Variants in MAP4K3 observed in about 807,000 individuals in gnomAD.
MAP4K3 encodes the protein MAPK/ERK kinase kinase kinase 3.
In MAP4K3, 94 loss-of-function variants were observed where a neutral mutation model predicts 143.5. That is an observed-to-expected ratio of 0.65 (90% confidence interval 0.55 to 0.78). The LOEUF (loss-of-function observed/expected upper bound fraction) is 0.78, where lower values mean the gene tolerates loss of function less well. MAP4K3 is among the 30% of genes least tolerant of loss of function. MAP4K3 has a pLI of 0.00. For missense variants in MAP4K3, 1,077 were observed against 1,068.1 expected, an observed-to-expected ratio of 1.01 and a Z score of -0.12; for synonymous variants, 416 against 347.2, an observed-to-expected ratio of 1.20 and a Z score of -2.20.
intron 1 of MAP4K3, among the ~76,000 whole-genome samples, chr2:39,404,446 C>G (rs1667036840): frequency 1.3e-5 from 2 of 152,208 alleles, no homozygotes; most frequent in South Asian, 4.2e-4. Context: ...CCTGACAGTA[C>G]TCCCCATGGG....
At chr2:39,383,950 C>T (rs1448377152) in intron 1 of MAP4K3, among the ~76,000 whole-genome samples, 1 of 151,668 alleles carries the variant, frequency 6.6e-6, no homozygotes, top group Non-Finnish European at 1.5e-5. Context: ...ACAAAAAATA[C>T]AAAAATTAGC....
At chr2:39,387,537 C>G (rs1433730806) in intron 1 of MAP4K3, among the ~76,000 whole-genome samples, 1 of 152,206 alleles carries the variant, frequency 6.6e-6, no homozygotes, top group African/African-American at 2.4e-5. Flanking sequence ...ACTGGAAATA[C>G]TGAGAAATAG....
intron 1 of MAP4K3, among the ~76,000 whole-genome samples, chr2:39,403,581 G>A (rs1375528283): frequency 1.3e-5 from 2 of 152,078 alleles, no homozygotes; most frequent in African/African-American, 4.8e-5. Context: ...CCAACAGTCA[G>A]AACTTGAGTT....
At chr2:39,423,950 A>G (rs1223047318) in intron 1 of MAP4K3, among the ~76,000 whole-genome samples, 1 of 149,224 alleles carries the variant, frequency 6.7e-6, no homozygotes, top group Admixed American at 6.7e-5. Context: ...TGGTTCATCA[A>G]TTTTTTTTTT....
intron 5 of MAP4K3, 73 bp downstream of exon 5, chr2:39,337,453 G>T: frequency 2.9e-6 from 3 of 1,037,348 alleles, no homozygotes; most frequent in South Asian, 3.0e-5. Context: ...TTACTTTGCT[G>T]AACAGGTAAT....
At chr2:39,260,485 A>T in intron 29 of MAP4K3, 121 bp downstream of exon 29, 1 of 734,616 alleles carries the variant, frequency 1.4e-6, no homozygotes, top group Non-Finnish European at 2.2e-6. Flanking sequence ...CTTCCAGTTT[A>T]ATAATAGTTA....
chr2:39,265,486 A>G (rs948873416), intron 27 of MAP4K3, among the ~76,000 whole-genome samples, 180 bp from the exon 28 acceptor site: 1 of 152,244 alleles, frequency 6.6e-6, no homozygotes, highest in Admixed American at 6.5e-5. Context: ...TTCAGGTAAT[A>G]GCAGGAAATG....
At chr2:39,268,727 C>T (rs1466203029) in intron 26 of MAP4K3, among the ~76,000 whole-genome samples, 1 of 146,304 alleles carries the variant, frequency 6.8e-6, no homozygotes, top group African/African-American at 2.5e-5. Context: ...GCAACCTCTG[C>T]CTCCCAGGTT....
At chr2:39,389,999 T>C (rs554785024) in intron 1 of MAP4K3, among the ~76,000 whole-genome samples, 18 of 152,306 alleles carry the variant, frequency 1.2e-4, no homozygotes, top group African/African-American at 3.9e-4. Flanking sequence ...GTTTGCGAAG[T>C]GGACAGAGTT....
At chr2:39,295,590 T>A (rs17023620) in intron 16 of MAP4K3, among the ~76,000 whole-genome samples, 9,779 of 152,138 alleles carry the variant, frequency 0.064, 415 homozygotes, top group Middle Eastern at 0.12. Context: ...TACTTTTTTG[T>A]TAAGCACATG....
intron 15 of MAP4K3, 114 bp from the exon 16 acceptor site, chr2:39,299,915 A>C: frequency 1.0e-5 from 4 of 393,246 alleles, no homozygotes; most frequent in East Asian, 4.1e-5. Context: ...CCCCAAATAA[A>C]TCTGTATTGC....
intron 15 of MAP4K3, among the ~76,000 whole-genome samples, chr2:39,304,439 T>C (rs542809228): frequency 3.9e-5 from 6 of 152,330 alleles, no homozygotes; most frequent in South Asian, 2.1e-4. Flanking sequence ...TTGTAAGAGA[T>C]GAAATCTTGT....
chr2:39,437,010 C>T lies in MAP4K3; in HGVS notation c.-23G>A, dbSNP rs779460061. 20 of 1,600,534 alleles carry T rather than the reference C, an allele frequency of 1.2e-5. No homozygotes were observed. In the Middle Eastern group the frequency reaches 8.5e-4, roughly 68 times the overall value. On this transcript the variant is annotated 5_prime_UTR_variant, in exon 1 of 34. Coordinates refer to ENST00000263881, the MANE Select transcript of MAP4K3 (RefSeq NM_003618.4). Reference sequence around the variant, plus strand: ...CATGGCGGGCCCCAGGTGCCCCCCGCCTCCCTCCCGGGCAGGGGAGGGGGG... The same window carrying T: ...CATGGCGGGCCCCAGGTGCCCCCCGTCTCCCTCCCGGGCAGGGGAGGGGGG...
intron 14 of MAP4K3, among the ~76,000 whole-genome samples, chr2:39,309,165 C>T (rs1188661589): frequency 1.3e-5 from 2 of 151,950 alleles, no homozygotes; most frequent in Non-Finnish European, 2.9e-5. Flanking sequence ...ACACTTTCAC[C>T]CAGGCTACAG....
intron 6 of MAP4K3, among the ~76,000 whole-genome samples, chr2:39,336,104 G>A (rs529999560): frequency 1.1e-4 from 17 of 152,152 alleles, no homozygotes; most frequent in Non-Finnish European, 2.1e-4. Flanking sequence ...TCCTACCAGA[G>A]CACATGCTGT....
At chr2:39,297,362 C>T (rs1443265741) in intron 16 of MAP4K3, among the ~76,000 whole-genome samples, 1 of 152,176 alleles carries the variant, frequency 6.6e-6, no homozygotes, top group Non-Finnish European at 1.5e-5. Context: ...AGGTGATCTA[C>T]TCGCCTCGGC....
In MAP4K3 at chr2:39,249,641, A is replaced by G. The variant is rs1388731255; in HGVS notation, c.*977T>C. On this transcript the variant is annotated 3_prime_UTR_variant, in exon 34 of 34. Transcript: ENST00000263881. ...AAGGATCATAAAATAAGGCCAACAA[A>G]AGTAAAAATTCCAAGAGAAATTTGA... 2 of 152,628 alleles carry G rather than the reference A, an allele frequency of 1.3e-5. No individual in the cohort carries two copies. The highest frequency in any genetic ancestry group is 4.8e-5 in the African/African-American group (2 of 41,446). 9.5% of individuals were successfully genotyped at this position (152,628 alleles called of 1,614,324 possible).
intron 13 of MAP4K3, 41 bp from the exon 14 acceptor site, chr2:39,309,560 T>TTA: frequency 8.1e-7 from 1 of 1,239,444 alleles, no homozygotes; most frequent in East Asian, 2.5e-5. Flanking sequence ...TTTTTTTTTT[T>TTA]TTTTTTTTTT....
At position 39,267,208 on chromosome 2, in the gene MAP4K3, C is replaced by T. The variant is rs771042334; in HGVS notation, c.2013G>A (p.Trp671Ter). 6.2e-7 allele frequency: 1 copy of T among 1,613,982 alleles called. No individual in the cohort carries two copies. The highest frequency in any genetic ancestry group is 1.7e-5 in the Admixed American group (1 of 60,002). ...ACTTACCAACACAACACTTCTGGCA[C>T]CATTTGGTTTCAGGGATTTTTGCTG... Reference protein sequence around the residue: ...SVSAKIPETKWCQKCCVVRNP... With the variant: ...SVSAKIPETK Residue 671 changes from tryptophan (W) to a stop codon, truncating the protein, a stop_gained, in exon 27 of 34, where the codon TGG (tryptophan) becomes TGA (stop). Transcript: ENST00000263881. LOFTEE classifies it high-confidence loss of function.
Sources: allele counts gnomAD v4.1 joint callset (sites outside exome capture counted in the v4.1 genomes callset), GRCh38; gene constraint gnomAD v4.1.1; transcripts MANE v1.5; gene names NCBI Gene and HGNC (gene_info 2026-07-23, HGNC 2026-07-21).